The following ATP6V0A4 variants were observed in gnomAD, a reference collection of about 807,000 sequenced individuals.
ATP6V0A4 encodes V-type proton ATPase 116 kDa subunit a 4.
Under a neutral mutation model 107.3 loss-of-function variants are expected in ATP6V0A4, and 86 were observed. The ratio of observed to expected loss-of-function variants is 0.80; its 90% CI spans 0.67 to 0.96. The LOEUF (loss-of-function observed/expected upper bound fraction) is 0.96, where lower values mean the gene tolerates loss of function less well. ATP6V0A4 is among the 40% of genes least tolerant of loss of function. The pLI is 0.00. For missense variants in ATP6V0A4, 908 were observed against 1,045.6 expected (o/e 0.87, Z 1.81); for synonymous variants, 353 against 381.4 (o/e 0.93, Z 0.87).
Position 138,790,652 on chromosome 7 carries a change from A to G in ATP6V0A4, c.-120-4392T>C, listed in dbSNP as rs1291189055. 2.0e-5 allele frequency among the ~76,000 whole-genome samples: 3 copies of G among 152,282 alleles called. No homozygotes were observed. The East Asian group carries it at 5.8e-4, about 29-fold the overall frequency. On this transcript the variant is annotated intron_variant, in intron 1 of 21. Transcript: ENST00000310018. ...CATTATAAACTGCTTCCAAGCTTTCACTTTTACAAACATTGTAATATTGAG... is the reference window on the plus strand; with the variant it reads ...CATTATAAACTGCTTCCAAGCTTTCGCTTTTACAAACATTGTAATATTGAG...
chr7:138,782,971 A>C (rs991781892), intron 2 of ATP6V0A4, among the ~76,000 whole-genome samples: 1 of 152,112 alleles, frequency 6.6e-6, no homozygotes, highest in Admixed American at 6.6e-5. Flanking sequence ...GCTACTCGGG[A>C]GGCTGAGGAA....
At chr7:138,744,510 T>C (rs977401369) in intron 14 of ATP6V0A4, among the ~76,000 whole-genome samples, 9 of 150,976 alleles carry the variant, frequency 6.0e-5, no homozygotes, top group African/African-American at 2.0e-4. Flanking sequence ...AGTGTTGAGA[T>C]TACAGGCGTA....
chr7:138,762,218 A>G, intron 7 of ATP6V0A4, 122 bp downstream of exon 7: 1 of 1,281,556 alleles, frequency 7.8e-7, no homozygotes, highest in Admixed American at 1.8e-5. Context: ...CGCTTGGCAG[A>G]GGCTTTGCAT....
In ATP6V0A4 at chr7:138,752,608, C is replaced by T. The variant is rs777504764; in HGVS notation, c.1029+17G>A. 9.3e-6 allele frequency: 15 copies of T among 1,612,282 alleles called. No individual in the cohort carries two copies. Among genetic ancestry groups the T allele is most frequent in the Non-Finnish European group, 1.3e-5 (15 of 1,179,798 alleles). ...GGCTGACTCATCGGACCCCTCCTGGCTCCACCTGCCACGCACCATGCCTTG... is the reference window on the plus strand; with the variant it reads ...GGCTGACTCATCGGACCCCTCCTGGTTCCACCTGCCACGCACCATGCCTTG... On this transcript the variant is annotated intron_variant, in intron 11 of 21. Transcript: ENST00000310018.
intron 1 of ATP6V0A4, among the ~76,000 whole-genome samples, chr7:138,793,864 G>A (rs183170913): frequency 6.8e-4 from 103 of 152,236 alleles, no homozygotes; most frequent in Admixed American, 1.9e-3. Flanking sequence ...TAGCTGCACC[G>A]CCTCCCAGTG....
intron 2 of ATP6V0A4, among the ~76,000 whole-genome samples, chr7:138,778,916 C>T (rs972704262): frequency 1.3e-5 from 2 of 152,140 alleles, no homozygotes; most frequent in African/African-American, 4.8e-5. Context: ...AGATCACATG[C>T]AGAGCAGTAA....
chr7:138,759,661 TA>T, intron 8 of ATP6V0A4, 90 bp downstream of exon 8: 1 of 1,392,512 alleles, frequency 7.2e-7, no homozygotes, highest in Non-Finnish European at 1.0e-6. Flanking sequence ...CTCATCAAAC[TA>T]AAGATCCCCC....
rs566336992 is a variant in ATP6V0A4 at position 138,745,658 on chromosome 7, C to CAAAAAAAAAAAAAA, written c.1321-379_1321-378insTTTTTTTTTTTTTT. Reference sequence around the variant, plus strand: ...CACCACTGCGCTCCAGCCTGTGTCTCAAAAAAAAAAAAAGGCCGGGTGTGA... The same window carrying CAAAAAAAAAAAAAA: ...CACCACTGCGCTCCAGCCTGTGTCTCAAAAAAAAAAAAAAAAAAAAAAAAAAAGGCCGGGTGTGA... On this transcript the variant is annotated intron_variant, in intron 13 of 21. Coordinates refer to ENST00000310018, the MANE Select transcript of ATP6V0A4 (RefSeq NM_020632.3). 1.1e-3 allele frequency among the ~76,000 whole-genome samples: 45 copies of CAAAAAAAAAAAAAA among 42,706 alleles called. 6 individuals carry two copies. The highest frequency in any genetic ancestry group is 3.6e-3 in the African/African-American group (37 of 10,240). 28.0% of individuals were successfully genotyped at this position (42,706 alleles called of 152,430 possible).
At chr7:138,778,290 C>CGCTTGAACCCAGGAA (rs201571105) in intron 2 of ATP6V0A4, among the ~76,000 whole-genome samples, 2 of 151,074 alleles carry the variant, frequency 1.3e-5, no homozygotes, top group Non-Finnish European at 3.0e-5. Flanking sequence ...GCAGGAGAAT[C>CGCTTGAACCCAGGAA]GCAAAGGTTG....
At chr7:138,718,525 T>G (rs1440091627) in intron 19 of ATP6V0A4, among the ~76,000 whole-genome samples, 1 of 61,866 alleles carries the variant, frequency 1.6e-5, no homozygotes. Context: ...CAGGAAGGAA[T>G]GGGGCGGGTG....
At chr7:138,724,780 C>T (rs1004623617) in intron 18 of ATP6V0A4, among the ~76,000 whole-genome samples, 2 of 152,168 alleles carry the variant, frequency 1.3e-5, no homozygotes, top group African/African-American at 2.4e-5. Context: ...CTTTTCTGCT[C>T]ATTATTCTTG....
chr7:138,763,827 A>C lies in ATP6V0A4; in HGVS notation c.292-802T>G, dbSNP rs922101079. ...TGGTGAAACCCTGTTTCTACTAAAA[A>C]TACAGAAATTAGCCGGGCAAAACTC... On this transcript the variant is annotated intron_variant, in intron 5 of 21. Transcript: ENST00000310018. 5.3e-5 allele frequency among the ~76,000 whole-genome samples: 8 copies of C among 151,612 alleles called. No individual in the cohort carries two copies. In the East Asian group the frequency reaches 9.8e-4, roughly 18 times the overall value.
chr7:138,776,395 G>A (rs547263727), intron 2 of ATP6V0A4, among the ~76,000 whole-genome samples: 96 of 152,350 alleles, frequency 6.3e-4, no homozygotes, highest in African/African-American at 2.3e-3. Context: ...CATCCTGCCA[G>A]GGCAGATCTG....
At position 138,739,712 on chromosome 7, in the gene ATP6V0A4, C is replaced by T. The variant is rs1805518544; in HGVS notation, c.1479-79G>A. The T allele has an allele frequency of 3.8e-6, 6 of 1,574,600 alleles. 1 individual carries two copies. In the Admixed American group the frequency reaches 7.2e-5, roughly 19 times the overall value. ...ATACTATAATACCACCAGTCACGAA[C>T]TTGCCCATCAAAGTCCAACTACTGG... On this transcript the variant is annotated intron_variant, in intron 14 of 21. Coordinates refer to ENST00000310018, the MANE Select transcript of ATP6V0A4 (RefSeq NM_020632.3).
intron 13 of ATP6V0A4, among the ~76,000 whole-genome samples, chr7:138,745,962 A>AAAAAATATATAT (rs1554396065): frequency 7.6e-5 from 5 of 65,682 alleles, no homozygotes; most frequent in African/African-American, 3.4e-4. Context: ...AAAAAAAAAA[A>AAAAAATATATAT]ATATATATAT....
chr7:138,781,556 T>A (rs533733084), intron 2 of ATP6V0A4, among the ~76,000 whole-genome samples: 29 of 152,266 alleles, frequency 1.9e-4, no homozygotes, highest in African/African-American at 7.0e-4. Context: ...GGTCTTGAAC[T>A]CCTAACCTCG....
At chr7:138,761,410 G>A (rs529105212) in intron 7 of ATP6V0A4, among the ~76,000 whole-genome samples, 4 of 152,058 alleles carry the variant, frequency 2.6e-5, no homozygotes, top group East Asian at 2.0e-4. Flanking sequence ...CAAGGCAGGC[G>A]GATCACGAGG....
rs1390305584 is a variant in ATP6V0A4, at chr7:138,707,168, A to G, written c.2430-451T>C. On this transcript the variant is annotated intron_variant, in intron 21 of 21. Transcript: ENST00000310018. ...TTAATATATTAATATATAATATATT[A>G]TATATATTATATAATATATTATATA... 6.0e-4 allele frequency among the ~76,000 whole-genome samples: 39 copies of G among 65,532 alleles called. 1 individual carries two copies. The highest frequency in any genetic ancestry group is 2.4e-3 in the African/African-American group (37 of 15,492). The allele number at this position is 65,532 out of a possible 152,430, so 43.0% of individuals were successfully genotyped here. A position where few individuals can be genotyped will look rare whatever the true frequency, so the allele number is the denominator to read the frequency against.
At chr7:138,732,703 A>G (rs1239652485) in intron 17 of ATP6V0A4, among the ~76,000 whole-genome samples, 174 bp downstream of exon 17, 1 of 152,022 alleles carries the variant, frequency 6.6e-6, no homozygotes, top group Admixed American at 6.6e-5. Context: ...CTGAGTCAGG[A>G]AAATCGTTTT....
Sources: allele counts gnomAD v4.1 joint callset (sites outside exome capture counted in the v4.1 genomes callset), GRCh38; gene constraint gnomAD v4.1.1; transcripts MANE v1.5; gene names NCBI Gene and HGNC (gene_info 2026-07-23, HGNC 2026-07-21).